Variants in PCDH9 observed in about 807,000 individuals in gnomAD.
PCDH9 encodes protocadherin 9, also known as protocadherin-9.
PCDH9 carries 24 observed loss-of-function variants against 70.6 expected under a neutral mutation model. The observed-to-expected ratio is 0.34, with a 90% CI of 0.25 to 0.48. The LOEUF is 0.48. Ranked by LOEUF, PCDH9 falls within the 20% of genes least tolerant of loss-of-function variation. The probability of loss-of-function intolerance (pLI) is 0.99; values close to 1 mark genes in which losing one functional copy is unlikely to be tolerated. For synonymous variants in PCDH9, 562 were observed against 558.5 expected, an observed-to-expected ratio of 1.01 and a Z score of -0.09; for missense variants, 1,281 against 1,503.6, an observed-to-expected ratio of 0.85 and a Z score of 2.45.
chr13:66,818,774 A>C (rs2080654242), intron 3 of PCDH9, among the ~76,000 whole-genome samples: 1 of 152,026 alleles, frequency 6.6e-6, no homozygotes, highest in African/African-American at 2.4e-5. Flanking sequence ...CTACTAAAAA[A>C]ATACAAAAAA....
chr13:67,080,801 A>G (rs181813842), intron 2 of PCDH9, among the ~76,000 whole-genome samples: 74 of 152,344 alleles, frequency 4.9e-4, no homozygotes, highest in East Asian at 1.5e-3. Flanking sequence ...AGTGGATAAC[A>G]GAAGTGTCAA....
At chr13:66,637,655 T>A (rs978292806) in intron 3 of PCDH9, among the ~76,000 whole-genome samples, 1 of 152,174 alleles carries the variant, frequency 6.6e-6, no homozygotes, top group Admixed American at 6.5e-5. Flanking sequence ...GGCTGACGCC[T>A]GTATTCCGAG....
Position 66,303,502 on chromosome 13 carries a change from T to A in PCDH9, c.*1153A>T, listed in dbSNP as rs911610009. 1 of 152,570 alleles carries A rather than the reference T, an allele frequency of 6.6e-6. No individual in the cohort carries two copies. The highest frequency in any genetic ancestry group is 6.6e-5 in the Admixed American group (1 of 15,240). 9.5% of individuals were successfully genotyped at this position (152,570 alleles called of 1,614,324 possible). ...TAAATATTTTGTGGCTATGGTCTAA[T>A]AACACTTGTGTTACAACAACATTAT... On this transcript the variant is annotated 3_prime_UTR_variant, in exon 5 of 5. Coordinates refer to ENST00000377865, the MANE Select transcript of PCDH9 (RefSeq NM_203487.3).
At chr13:66,898,230 T>C (rs1332769214) in intron 3 of PCDH9, among the ~76,000 whole-genome samples, 1 of 152,080 alleles carries the variant, frequency 6.6e-6, no homozygotes, top group African/African-American at 2.4e-5. Flanking sequence ...TTTTAATATG[T>C]TAGGAGTTAT....
chr13:66,348,617 A>C (rs1235822139), intron 4 of PCDH9, among the ~76,000 whole-genome samples: 1 of 151,796 alleles, frequency 6.6e-6, no homozygotes, highest in Non-Finnish European at 1.5e-5. Context: ...CTCAAAAAGA[A>C]ACTTTCTCTT....
chr13:67,217,931 G>A (rs969346123), intron 2 of PCDH9: 1 of 152,012 alleles, frequency 6.6e-6, no homozygotes, highest in African/African-American at 2.4e-5. Flanking sequence ...TCCATTGTAA[G>A]GCATGTATTT....
intron 4 of PCDH9, among the ~76,000 whole-genome samples, chr13:66,502,707 T>C (rs556145996): frequency 6.6e-6 from 1 of 152,256 alleles, no homozygotes; most frequent in Admixed American, 6.5e-5. Context: ...GGTAGAAATA[T>C]TAATAGGGTA....
At chr13:66,428,055 G>A (rs1353841773) in intron 4 of PCDH9, among the ~76,000 whole-genome samples, 1 of 151,614 alleles carries the variant, frequency 6.6e-6, no homozygotes, top group African/African-American at 2.4e-5. Context: ...GTTATTGAAA[G>A]AAACCATATG....
intron 4 of PCDH9, among the ~76,000 whole-genome samples, chr13:66,339,244 AAC>A (rs541018053): frequency 0.063 from 9,555 of 151,958 alleles, 402 homozygotes; most frequent in Non-Finnish European, 0.096. Context: ...ACAACAAAAA[AAC>A]AGTATTACTT....
chr13:66,788,648 A>ATTTTTTTT (rs58386697), intron 3 of PCDH9, among the ~76,000 whole-genome samples: 3 of 81,862 alleles, frequency 3.7e-5, no homozygotes, highest in African/African-American at 1.5e-4. Context: ...CTAAACAGTA[A>ATTTTTTTT]TTTTTTTTTT....
intron 2 of PCDH9, among the ~76,000 whole-genome samples, chr13:67,099,554 T>C (rs1166391124): frequency 6.6e-6 from 1 of 152,180 alleles, no homozygotes; most frequent in Non-Finnish European, 1.5e-5. Flanking sequence ...TTCCTAAATA[T>C]TCAGAAATGG....
At chr13:66,629,603 TG>T (rs1266824828) in intron 4 of PCDH9, among the ~76,000 whole-genome samples, 1 of 152,192 alleles carries the variant, frequency 6.6e-6, no homozygotes, top group Non-Finnish European at 1.5e-5. Context: ...GTTTTTTCCT[TG>T]GGTATGTCCT....
At chr13:66,461,561 A>C (rs1263802454) in intron 4 of PCDH9, among the ~76,000 whole-genome samples, 1 of 151,586 alleles carries the variant, frequency 6.6e-6, no homozygotes, top group Non-Finnish European at 1.5e-5. Context: ...AAAAAAAAAG[A>C]AAATCATGCC....
intron 3 of PCDH9, among the ~76,000 whole-genome samples, chr13:66,679,721 A>T (rs1373226028): frequency 6.6e-6 from 1 of 151,934 alleles, no homozygotes; most frequent in East Asian, 1.9e-4. Flanking sequence ...GAATATAGAG[A>T]CATAATTGTT....
At chr13:67,031,004 G>T (rs964999028) in intron 2 of PCDH9, among the ~76,000 whole-genome samples, 1 of 152,122 alleles carries the variant, frequency 6.6e-6, no homozygotes, top group African/African-American at 2.4e-5. Context: ...AAAATGATGT[G>T]TTGAGAGTAA....
At chr13:66,670,480 T>G (rs1167936668) in intron 3 of PCDH9, among the ~76,000 whole-genome samples, 1 of 152,174 alleles carries the variant, frequency 6.6e-6, no homozygotes, top group East Asian at 1.9e-4. Flanking sequence ...TAAATTTTGA[T>G]CCTAAAATTT....
intron 3 of PCDH9, among the ~76,000 whole-genome samples, chr13:66,779,849 C>CTCTATATATATATATATA (rs1395244975): frequency 1.3e-5 from 1 of 78,918 alleles, no homozygotes; most frequent in African/African-American, 5.2e-5. Context: ...CTCTCTCTCT[C>CTCTATATATATATATATA]TATATATATA....
In PCDH9 at chr13:66,485,604, C is replaced by T. The variant is rs181266704; in HGVS notation, c.3340+145606G>A. ...TGTGTACATATGCATATGACAAAAT[C>T]ATATATATAGAGAGAGAGACAGAGA... On this transcript the variant is annotated intron_variant, in intron 4 of 4. Coordinates refer to ENST00000377865, the MANE Select transcript of PCDH9 (RefSeq NM_203487.3). Among the ~76,000 whole-genome samples, 4 of 151,274 alleles carry T rather than the reference C, an allele frequency of 2.6e-5. No homozygotes were observed. The East Asian group carries it at 5.9e-4, about 22-fold the overall frequency.
At chr13:66,518,517 AATTTGG>A (rs1314574126) in intron 4 of PCDH9, among the ~76,000 whole-genome samples, 2 of 152,078 alleles carry the variant, frequency 1.3e-5, no homozygotes, top group African/African-American at 4.8e-5. Flanking sequence ...TCCTCGATAA[AATTTGG>A]ATTTGAATAT....
Sources: gnomAD v4.1 joint callset for allele counts (sites outside exome capture counted in the v4.1 genomes callset) on GRCh38, gnomAD v4.1.1 for gene constraint, MANE v1.5 for transcripts, NCBI Gene and HGNC (gene_info 2026-07-23, HGNC 2026-07-21) for gene names.